Variants in NCKAP5 observed in about 807,000 individuals in gnomAD.
NCKAP5 encodes the protein NCK associated protein 5, also known as nck-associated protein 5.
NCKAP5 carries 92 observed loss-of-function variants against 167.0 expected under a neutral mutation model. That is an observed-to-expected ratio of 0.55 (90% CI 0.47 to 0.66). NCKAP5 has a LOEUF of 0.66. NCKAP5 is among the 30% of genes least tolerant of loss of function. The pLI is 0.00. For synonymous variants in NCKAP5, 891 were observed against 877.4 expected (o/e 1.02, Z -0.27); for missense variants, 2,378 against 2,315.0 (o/e 1.03, Z -0.56).
At chr2:132,794,259 TATATAGAGAGAGAG>T (rs1450462827) in intron 12 of NCKAP5, among the ~76,000 whole-genome samples, 30 of 31,704 alleles carry the variant, frequency 9.5e-4, no homozygotes, top group African/African-American at 1.6e-3. Flanking sequence ...TATATATATA[TATATAGAGAGAGAG>T]AGAGAGAGAG....
In NCKAP5 at chr2:133,438,651, A is replaced by G. The variant is rs560267815; in HGVS notation, c.69+78807T>C. Among the ~76,000 whole-genome samples, 5 of 152,350 alleles carry G rather than the reference A, an allele frequency of 3.3e-5. No individual in the cohort carries two copies. In the East Asian group the frequency reaches 9.6e-4, roughly 29 times the overall value. Reference sequence around the variant, plus strand: ...ACAATGCCTTTGGAGTCAAAGACACATAGGTTTGAGAAAATAATGCACTTA... The same window carrying G: ...ACAATGCCTTTGGAGTCAAAGACACGTAGGTTTGAGAAAATAATGCACTTA... On this transcript the variant is annotated intron_variant, in intron 3 of 19. Coordinates refer to ENST00000409261, the MANE Select transcript of NCKAP5 (RefSeq NM_207363.3).
chr2:132,853,963 G>A (rs1689270188), intron 11 of NCKAP5, among the ~76,000 whole-genome samples: 1 of 152,112 alleles, frequency 6.6e-6, no homozygotes, highest in Non-Finnish European at 1.5e-5. Context: ...CTCCCTTGGA[G>A]CCACTTCATT....
chr2:133,417,474 A>G (rs149494232), intron 3 of NCKAP5, among the ~76,000 whole-genome samples: 54 of 152,362 alleles, frequency 3.5e-4, no homozygotes, highest in East Asian at 2.1e-3. Flanking sequence ...TCAGTCTGGC[A>G]AGTGACCGTG....
chr2:133,195,142 A>G, intron 5 of NCKAP5, among the ~76,000 whole-genome samples: 1 of 152,136 alleles, frequency 6.6e-6, no homozygotes, highest in Non-Finnish European at 1.5e-5. Flanking sequence ...TTACTTGTGC[A>G]CGAACTCTGC....
chr2:133,616,827 A>G, the NCKAP5 span, among the ~76,000 whole-genome samples: 1 of 152,182 alleles, frequency 6.6e-6, no homozygotes, highest in African/African-American at 2.4e-5. Context: ...CCTGATACCA[A>G]AGCTGGGCAG....
At chr2:133,441,817 C>G (rs1451127674) in intron 3 of NCKAP5, among the ~76,000 whole-genome samples, 1 of 152,098 alleles carries the variant, frequency 6.6e-6, no homozygotes, top group Non-Finnish European at 1.5e-5. Flanking sequence ...TAGGCATTTC[C>G]TAAGCGAACT....
rs745958263 is a variant in NCKAP5 at position 133,517,471 on chromosome 2, T to C, written c.56A>G (p.Asp19Gly). 4.6e-6 allele frequency: 7 copies of C among 1,520,962 alleles called. No individual in the cohort carries two copies. The highest frequency in any genetic ancestry group is 6.2e-6 in the Non-Finnish European group (7 of 1,128,834). The allele number at this position is 1,520,962 out of a possible 1,614,324, so 94.2% of individuals were successfully genotyped here. ...TTTAGTACTTACCACAAGACTGCTG[T>C]CTAGAGACAGCCTTTTTCCAAAGTC... ...KRDFGKRLSL[D>G]SSLVEYMDSN... Residue 19 changes from aspartate to glycine, a missense_variant, in exon 3 of 20, where the codon GAC (aspartate) becomes GGC (glycine). Transcript: ENST00000409261.
rs191065500 is a variant in NCKAP5 at position 132,785,593 on chromosome 2, T to C, written c.1218A>G (p.Arg406=). ...IKESHILEGL[R]KLQKRKVLLE... is the part of the protein sequence containing the mutation. ...GTAACACTTTTCGCTTCTGTAGCTT[T>C]CTTAGCCCTTCCAAAATGTGGCTTT... is the stretch of plus-strand genomic sequence containing the variant. Residue 406 remains arginine (R), a synonymous_variant, in exon 14 of 20, where the codon AGA becomes AGG. Transcript: ENST00000409261. The C allele has an allele frequency of 5.4e-5, 85 of 1,580,774 alleles. No homozygotes were observed. The highest frequency in any genetic ancestry group is 5.2e-4 in the Admixed American group (28 of 54,014).
chr2:133,667,450 G>T, the NCKAP5 span, among the ~76,000 whole-genome samples: 1 of 151,874 alleles, frequency 6.6e-6, no homozygotes, highest in African/African-American at 2.4e-5. Context: ...CTCAGTCTCT[G>T]GTAGGATCAT....
At chr2:133,449,343 G>C (rs1300317013) in intron 3 of NCKAP5, among the ~76,000 whole-genome samples, 4 of 152,108 alleles carry the variant, frequency 2.6e-5, no homozygotes, top group African/African-American at 7.2e-5. Context: ...AAACGATTTA[G>C]AGCTCTTGTA....
chr2:133,086,525 C>T (rs2080997085), intron 6 of NCKAP5, among the ~76,000 whole-genome samples: 1 of 151,872 alleles, frequency 6.6e-6, no homozygotes, highest in African/African-American at 2.4e-5. Flanking sequence ...GTCTATAGTC[C>T]CAGCAACTCA....
chr2:132,788,565 G>A lies in NCKAP5; in HGVS notation c.1092+1458C>T, dbSNP rs543264760. ...CTTCTGTGAAATGGGGAGAATAGGAGAGCCTACTTAATAGGCGACTGGGAG... is the reference window on the plus strand; with the variant it reads ...CTTCTGTGAAATGGGGAGAATAGGAAAGCCTACTTAATAGGCGACTGGGAG... On this transcript the variant is annotated intron_variant, in intron 13 of 19. Transcript: ENST00000409261. Among the ~76,000 whole-genome samples the A allele has an allele frequency of 1.1e-4, 16 of 152,194 alleles. No individual in the cohort carries two copies. In the South Asian group the frequency reaches 3.3e-3, roughly 32 times the overall value.
intron 8 of NCKAP5, among the ~76,000 whole-genome samples, chr2:132,910,695 A>G (rs1205092086): frequency 6.6e-6 from 1 of 152,174 alleles, no homozygotes; most frequent in Admixed American, 6.5e-5. Context: ...TTGCTCCCAA[A>G]TCTTAGCTAT....
chr2:132,823,203 C>T (rs1334972707), intron 11 of NCKAP5, among the ~76,000 whole-genome samples: 9 of 152,116 alleles, frequency 5.9e-5, no homozygotes. Context: ...TCAAATAACA[C>T]CTAGGGAATT....
chr2:133,002,424 T>G (rs1423929104), intron 6 of NCKAP5, among the ~76,000 whole-genome samples: 2 of 152,226 alleles, frequency 1.3e-5, no homozygotes, highest in African/African-American at 4.8e-5. Context: ...AAATGTGGTC[T>G]CTCCCTCTCT....
Position 132,784,113 on chromosome 2 carries a change from C to A in NCKAP5, c.2698G>T (p.Ala900Ser), listed in dbSNP as rs774183431. The A allele has an allele frequency of 3.4e-5, 51 of 1,520,816 alleles. No homozygotes were observed. The Admixed American group carries it at 1.1e-3, about 34-fold the overall frequency. The allele number at this position is 1,520,816 out of a possible 1,614,324, so 94.2% of individuals were successfully genotyped here. Residue 900 changes from alanine to serine, a missense_variant, in exon 14 of 20, where the codon GCC becomes TCC. Around this residue, in one of 3 missense-constraint regions of NCKAP5, gnomAD observed 1,325 missense variants for 1,274.5 expected, o/e 1.04. Transcript: ENST00000409261. ...TCTCCACTGTCACTAGACTCAATGG[C>A]AGGCCTTGACCGTGACCCTGGAGTC... is the stretch of plus-strand genomic sequence containing the variant. Reference protein sequence around the residue: ...SQTPGSRSRPAIESSDSGEPP... With the variant: ...SQTPGSRSRPSIESSDSGEPP...
intron 2 of NCKAP5, among the ~76,000 whole-genome samples, chr2:133,555,947 T>C (rs1687710034): frequency 6.6e-6 from 1 of 152,172 alleles, no homozygotes. Context: ...ACAATGTGCA[T>C]AAAGTTATAA....
chr2:132,773,895 C>A lies in NCKAP5; in HGVS notation c.5050-1G>T, dbSNP rs1332894004. The A allele has an allele frequency of 1.2e-6, 2 of 1,608,446 alleles. No homozygotes were observed. Among genetic ancestry groups the A allele is most frequent in the Non-Finnish European group, 1.7e-6 (2 of 1,178,196 alleles). On this transcript the variant is annotated splice_acceptor_variant, in intron 15 of 19. Coordinates refer to ENST00000409261, the MANE Select transcript of NCKAP5 (RefSeq NM_207363.3). LOFTEE classifies it high-confidence loss of function. Reference sequence around the variant, plus strand: ...GCAAGTTTTCATTTGCCTCTTTTACCTGCAGGAAGAAGAAAATGATGCAAG... The same window carrying A: ...GCAAGTTTTCATTTGCCTCTTTTACATGCAGGAAGAAGAAAATGATGCAAG...
At chr2:133,364,578 C>T (rs1170621806) in intron 3 of NCKAP5, among the ~76,000 whole-genome samples, 2 of 151,990 alleles carry the variant, frequency 1.3e-5, no homozygotes, top group Non-Finnish European at 2.9e-5. Flanking sequence ...TTCATGTTCT[C>T]GACACTTTGG....
Sources: allele counts gnomAD v4.1 joint callset (sites outside exome capture counted in the v4.1 genomes callset), GRCh38; gene constraint gnomAD v4.1.1; regional missense constraint gnomAD v4.1.1; transcripts MANE v1.5; gene names NCBI Gene and HGNC (gene_info 2026-07-23, HGNC 2026-07-21).